The following MED12L variants were observed in gnomAD, a reference collection of about 807,000 sequenced individuals.
The protein encoded by MED12L is mediator complex subunit 12L.
Under a neutral mutation model 281.3 loss-of-function variants are expected in MED12L, and 60 were observed. That is an observed-to-expected ratio of 0.21 (90% CI 0.17 to 0.26). MED12L has a LOEUF of 0.26. Among genes scored for constraint, MED12L ranks in the 10% least tolerant of loss-of-function variants. The pLI is 1.00. For missense variants in MED12L, 2,146 were observed against 2,680.9 expected (o/e 0.80, Z 4.41); for synonymous variants, 974 against 987.2 (o/e 0.99, Z 0.25).
intron 8 of MED12L, among the ~76,000 whole-genome samples, chr3:151,161,907 G>T (rs1439069827): frequency 6.6e-6 from 1 of 152,174 alleles, no homozygotes; most frequent in African/African-American, 2.4e-5. Flanking sequence ...TAACAATATA[G>T]TGTTCATTGG....
In MED12L at chr3:151,385,713, T is replaced by TG. The variant is rs76491731; in HGVS notation, c.5088+530dup. On this transcript the variant is annotated intron_variant, in intron 36 of 44. Transcript: ENST00000687756. ...GGGCAACAAAGTGAGACCCTGTCTCTGGGGGGGGAAAAAAAAAAAAAAACC... is the reference window on the plus strand; with the variant it reads ...GGGCAACAAAGTGAGACCCTGTCTCTGGGGGGGGGAAAAAAAAAAAAAAACC... Among the ~76,000 whole-genome samples the TG allele has an allele frequency of 2.0e-4, 24 of 119,090 alleles. No homozygotes were observed. The South Asian group carries it at 2.5e-3, about 12-fold the overall frequency. The allele number at this position is 119,090 out of a possible 152,430, so 78.1% of individuals were successfully genotyped here.
chr3:151,271,338 A>G (rs1740903778), intron 16 of MED12L, among the ~76,000 whole-genome samples: 1 of 152,312 alleles, frequency 6.6e-6, no homozygotes, highest in African/African-American at 2.4e-5. Context: ...ATTAGAATGG[A>G]AAAAAACTTG....
intron 16 of MED12L, among the ~76,000 whole-genome samples, chr3:151,263,553 G>A (rs900090269): frequency 2.0e-5 from 3 of 152,146 alleles, no homozygotes; most frequent in Non-Finnish European, 2.9e-5. Flanking sequence ...TGAGCTTTAC[G>A]TGTTTTATCG....
At chr3:151,238,137 TTTTTTC>T (rs113061339) in intron 16 of MED12L, among the ~76,000 whole-genome samples, 58 of 149,610 alleles carry the variant, frequency 3.9e-4, no homozygotes, top group East Asian at 1.4e-3. Flanking sequence ...ACATTTTTTC[TTTTTTC>T]TTTTTCTTTT....
rs116219144 is a variant in MED12L, at chr3:151,227,677, C to T, written c.2250+34011C>T. On this transcript the variant is annotated intron_variant, in intron 16 of 44. Coordinates refer to ENST00000687756, the MANE Select transcript of MED12L (RefSeq NM_001393769.1). ...TGGATACATAGTCATGCAGTCTTCCCGAATGGCAAACTGGGGGCCAGGAAA... is the reference window on the plus strand; with the variant it reads ...TGGATACATAGTCATGCAGTCTTCCTGAATGGCAAACTGGGGGCCAGGAAA... Among the ~76,000 whole-genome samples, 288 of 152,250 alleles carry T rather than the reference C, an allele frequency of 1.9e-3. 1 individual carries two copies. Among genetic ancestry groups the T allele is most frequent in the African/African-American group, 6.4e-3 (267 of 41,534 alleles).
chr3:151,131,471 G>GT (rs1430633540), intron 5 of MED12L, among the ~76,000 whole-genome samples: 1 of 151,862 alleles, frequency 6.6e-6, no homozygotes, highest in African/African-American at 2.4e-5. Flanking sequence ...GTAAGGTGTG[G>GT]TGGTGCACAC....
At chr3:151,357,141 T>C in intron 19 of MED12L, 72 bp from the exon 20 acceptor site, 2 of 1,326,340 alleles carry the variant, frequency 1.5e-6, no homozygotes, top group Middle Eastern at 2.0e-4. Flanking sequence ...ATATCTATGG[T>C]TTATAAAAAT....
intron 11 of MED12L, among the ~76,000 whole-genome samples, chr3:151,181,196 A>T (rs73018614): frequency 0.072 from 10,937 of 152,076 alleles, 891 homozygotes; most frequent in African/African-American, 0.19. Flanking sequence ...TATGTATTTT[A>T]TCTCTTTGGT....
intron 43 of MED12L, among the ~76,000 whole-genome samples, chr3:151,428,514 A>C (rs1467687893): frequency 6.6e-6 from 1 of 152,172 alleles, no homozygotes; most frequent in African/African-American, 2.4e-5. Flanking sequence ...AGGCTCTTAG[A>C]ATTAGTCATT....
chr3:151,178,896 T>C (rs1236106867), intron 11 of MED12L, among the ~76,000 whole-genome samples: 1 of 152,222 alleles, frequency 6.6e-6, no homozygotes, highest in Non-Finnish European at 1.5e-5. Context: ...GCAAGTTATT[T>C]TATATTAAAT....
chr3:151,183,884 A>G (rs562531928), intron 11 of MED12L, among the ~76,000 whole-genome samples: 1 of 152,332 alleles, frequency 6.6e-6, no homozygotes, highest in African/African-American at 2.4e-5. Context: ...TAAAAACTGA[A>G]AGCAGTATTT....
chr3:151,150,928 A>G (rs1718375418), intron 5 of MED12L, among the ~76,000 whole-genome samples: 1 of 151,416 alleles, frequency 6.6e-6, no homozygotes, highest in South Asian at 2.1e-4. Context: ...CCTAAAGGGC[A>G]TGTTGTGGCT....
chr3:151,294,896 G>T (rs769121601), intron 16 of MED12L: 1 of 1,613,988 alleles, frequency 6.2e-7, no homozygotes, highest in South Asian at 1.1e-5. Context: ...CAAAACTGAA[G>T]TGTATCTGCA....
intron 38 of MED12L, among the ~76,000 whole-genome samples, chr3:151,393,808 T>C (rs1714605176): frequency 6.6e-6 from 1 of 152,162 alleles, no homozygotes; most frequent in South Asian, 2.1e-4. Flanking sequence ...TGTGGGTTTT[T>C]CCAAAAAAAC....
chr3:151,376,292 T>G, intron 28 of MED12L, 78 bp downstream of exon 28: 1 of 1,151,528 alleles, frequency 8.7e-7, no homozygotes, highest in Non-Finnish European at 1.2e-6. Flanking sequence ...CCTCTCTTTT[T>G]TTGTCCTTGC....
chr3:151,294,894 A>C lies in MED12L; in HGVS notation c.2251-55165A>C. On this transcript the variant is annotated intron_variant, in intron 16 of 44. Transcript: ENST00000687756. ...TACATGTTTGCATAAAACAAAACTG[A>C]AGTGTATCTGCAGAGAATAAACTTG... is the stretch of plus-strand genomic sequence containing the variant. 6.2e-7 allele frequency: 1 copy of C among 1,614,030 alleles called. No individual in the cohort carries two copies. The highest frequency in any genetic ancestry group is 8.5e-7 in the Non-Finnish European group (1 of 1,179,900).
chr3:151,302,450 G>A (rs1746066885), intron 16 of MED12L, among the ~76,000 whole-genome samples: 1 of 152,142 alleles, frequency 6.6e-6, no homozygotes, highest in Admixed American at 6.5e-5. Flanking sequence ...TGAATCATGG[G>A]AACAATAATA....
rs1206168220 is a variant in MED12L, at chr3:151,434,271, C to CAAATCATTATCTATAAA, written c.*1468_*1484dup. 4 of 152,158 alleles carry CAAATCATTATCTATAAA rather than the reference C, an allele frequency of 2.6e-5. No homozygotes were observed. The East Asian group carries it at 7.7e-4, about 29-fold the overall frequency. The allele number at this position is 152,158 out of a possible 1,614,324, so 9.4% of individuals were successfully genotyped here. On this transcript the variant is annotated 3_prime_UTR_variant, in exon 45 of 45. Coordinates refer to ENST00000687756, the MANE Select transcript of MED12L (RefSeq NM_001393769.1). Reference sequence around the variant, plus strand: ...CAACTTTAGTAGACATTTTCTTTTGCAAATCATTATCTATAAATAATTTAT... The same window carrying CAAATCATTATCTATAAA: ...CAACTTTAGTAGACATTTTCTTTTGCAAATCATTATCTATAAAAAATCATTATCTATAAATAATTTAT...
intron 16 of MED12L, among the ~76,000 whole-genome samples, chr3:151,205,050 G>A (rs905745706): frequency 6.6e-6 from 1 of 152,174 alleles, no homozygotes; most frequent in Non-Finnish European, 1.5e-5. Flanking sequence ...AATGAGCTTA[G>A]GCAACCTGGC....
Sources: gnomAD v4.1 joint callset for allele counts (sites outside exome capture counted in the v4.1 genomes callset) on GRCh38, gnomAD v4.1.1 for gene constraint, MANE v1.5 for transcripts, NCBI Gene and HGNC (gene_info 2026-07-23, HGNC 2026-07-21) for gene names.